Variants in PTPRT observed in about 807,000 individuals in gnomAD.
PTPRT encodes the protein receptor-type tyrosine-protein phosphatase T.
Under a neutral mutation model 176.8 loss-of-function variants are expected in PTPRT, and 56 were observed. The ratio of observed to expected loss-of-function variants is 0.32; its 90% CI spans 0.26 to 0.40. The LOEUF (loss-of-function observed/expected upper bound fraction) is 0.40, where lower values mean the gene tolerates loss of function less well. PTPRT is among the 10% of genes least tolerant of loss of function. PTPRT has a pLI of 1.00. For missense variants in PTPRT, 1,540 were observed against 1,908.2 expected, an observed-to-expected ratio of 0.81 and a Z score of 3.60; for synonymous variants, 783 against 739.0, an observed-to-expected ratio of 1.06 and a Z score of -0.96.
At chr20:43,098,186 C>A (rs1301217550) in intron 1 of PTPRT, among the ~76,000 whole-genome samples, 1 of 152,126 alleles carries the variant, frequency 6.6e-6, no homozygotes, top group African/African-American at 2.4e-5. Flanking sequence ...ATCACAGACT[C>A]ATGGTTACCA....
intron 16 of PTPRT, among the ~76,000 whole-genome samples, chr20:42,182,416 A>G (rs892862788): frequency 6.6e-6 from 1 of 152,230 alleles, no homozygotes; most frequent in Admixed American, 6.5e-5. Context: ...GAAGGGTTAC[A>G]GAGAGGGTGA....
intron 1 of PTPRT, among the ~76,000 whole-genome samples, chr20:43,182,493 C>A (rs543527004): frequency 6.6e-6 from 1 of 151,886 alleles, no homozygotes; most frequent in African/African-American, 2.4e-5. Context: ...TGGGTTCAAG[C>A]GATTCTCATC....
chr20:42,323,026 C>T (rs1346025480), intron 11 of PTPRT, among the ~76,000 whole-genome samples: 20 of 151,822 alleles, frequency 1.3e-4, no homozygotes, highest in African/African-American at 4.6e-4. Context: ...CCATCACTGG[C>T]CATCAGAGAA....
chr20:42,378,056 T>C (rs6072711), intron 9 of PTPRT, among the ~76,000 whole-genome samples: 64,979 of 152,060 alleles, frequency 0.43, 14,573 homozygotes, highest in Non-Finnish European at 0.49. Context: ...TTAACAGATG[T>C]GGTACATCTC....
intron 7 of PTPRT, among the ~76,000 whole-genome samples, chr20:42,611,631 T>A (rs2073977977): frequency 6.6e-6 from 1 of 152,216 alleles, no homozygotes; most frequent in Non-Finnish European, 1.5e-5. Flanking sequence ...GTTCCACGTG[T>A]GACTCATTGC....
chr20:42,439,425 C>T (rs1346498868), intron 9 of PTPRT, among the ~76,000 whole-genome samples: 1 of 152,160 alleles, frequency 6.6e-6, no homozygotes, highest in Non-Finnish European at 1.5e-5. Context: ...AACGATACCT[C>T]CCTATGTTTC....
intron 7 of PTPRT, among the ~76,000 whole-genome samples, chr20:42,600,138 T>G (rs978819500): frequency 1.3e-5 from 2 of 152,140 alleles, no homozygotes; most frequent in African/African-American, 2.4e-5. Flanking sequence ...TGTTGTTATT[T>G]TTTTGTTTTG....
chr20:42,200,379 C>T (rs1600667287), intron 15 of PTPRT, among the ~76,000 whole-genome samples: 1 of 152,178 alleles, frequency 6.6e-6, no homozygotes, highest in African/African-American at 2.4e-5. Context: ...CAGTGCCTCG[C>T]ACATAGTGGA....
chr20:42,375,891 C>T (rs1260230455), intron 9 of PTPRT, among the ~76,000 whole-genome samples: 2 of 152,130 alleles, frequency 1.3e-5, no homozygotes, highest in African/African-American at 2.4e-5. Flanking sequence ...GGTGCCTGCT[C>T]AGAACATTAG....
chr20:42,374,861 G>A (rs533733958), intron 9 of PTPRT, among the ~76,000 whole-genome samples: 1 of 152,246 alleles, frequency 6.6e-6, no homozygotes, highest in Admixed American at 6.5e-5. Context: ...CTTCTTACAA[G>A]AAGTTAGTAA....
At chr20:42,744,907 G>A (rs1208636883) in intron 6 of PTPRT, among the ~76,000 whole-genome samples, 1 of 152,228 alleles carries the variant, frequency 6.6e-6, no homozygotes, top group Non-Finnish European at 1.5e-5. Context: ...TGATTGCAGA[G>A]CAGGCTGGGA....
chr20:42,440,772 C>T (rs547276241), intron 9 of PTPRT, among the ~76,000 whole-genome samples: 4 of 152,266 alleles, frequency 2.6e-5, no homozygotes, highest in Non-Finnish European at 4.4e-5. Context: ...CCACCATGCC[C>T]GGCCTGTATT....
At chr20:43,162,349 T>A (rs1411151566) in intron 1 of PTPRT, among the ~76,000 whole-genome samples, 3 of 152,198 alleles carry the variant, frequency 2.0e-5, no homozygotes, top group African/African-American at 4.8e-5. Flanking sequence ...ATAACGCGGA[T>A]CTTATAACTA....
intron 7 of PTPRT, among the ~76,000 whole-genome samples, chr20:42,558,722 G>A (rs1350342088): frequency 1.3e-5 from 2 of 152,014 alleles, no homozygotes; most frequent in Admixed American, 6.6e-5. Context: ...CATCAGTACC[G>A]GCTTAGAGTT....
intron 7 of PTPRT, among the ~76,000 whole-genome samples, chr20:42,571,413 C>T (rs190284171): frequency 2.6e-5 from 4 of 152,282 alleles, no homozygotes; most frequent in Admixed American, 1.3e-4. Flanking sequence ...GGATTCGCCT[C>T]TAGATACTAC....
intron 7 of PTPRT, among the ~76,000 whole-genome samples, chr20:42,483,987 T>C (rs555270078): frequency 6.6e-6 from 1 of 152,332 alleles, no homozygotes; most frequent in African/African-American, 2.4e-5. Context: ...TGGATCTAGC[T>C]TGCAGTTTCC....
intron 1 of PTPRT, among the ~76,000 whole-genome samples, chr20:43,149,798 A>C (rs570677586): frequency 2.6e-5 from 4 of 152,370 alleles, no homozygotes; most frequent in African/African-American, 9.6e-5. Flanking sequence ...GCAAGATGAC[A>C]GTTCACCAGA....
At chr20:42,058,547 C>A in the PTPRT span, among the ~76,000 whole-genome samples, 4 of 152,314 alleles carry the variant, frequency 2.6e-5, no homozygotes, top group Non-Finnish European at 4.4e-5. Flanking sequence ...GTCACCTTTC[C>A]AGCCCCTCCT....
At chr20:42,108,964 C>G (rs1986770163) in intron 23 of PTPRT, among the ~76,000 whole-genome samples, 2 of 152,180 alleles carry the variant, frequency 1.3e-5, no homozygotes, top group Admixed American at 1.3e-4. Context: ...TCTCCCTAAC[C>G]CTTGATCTGG....
Sources: gnomAD v4.1 joint callset for allele counts (sites outside exome capture counted in the v4.1 genomes callset) on GRCh38, gnomAD v4.1.1 for gene constraint, MANE v1.5 for transcripts, NCBI Gene and HGNC (gene_info 2026-07-23, HGNC 2026-07-21) for gene names.